TNS1: variants seen among roughly 807,000 people sequenced by gnomAD.
The protein encoded by TNS1 is tensin-1.
In TNS1, 62 loss-of-function variants were observed where a neutral mutation model predicts 168.6. That is an observed-to-expected ratio of 0.37 (90% CI 0.30 to 0.45). The LOEUF is 0.45. Among genes scored for constraint, TNS1 ranks in the 20% least tolerant of loss-of-function variants. TNS1 has a pLI of 1.00. For synonymous variants in TNS1, 934 were observed against 933.2 expected (o/e 1.00, Z -0.02); for missense variants, 2,240 against 2,339.4 (o/e 0.96, Z 0.88).
At chr2:217,851,604 AGCCCAGG>A (rs975153737) in intron 18 of TNS1, among the ~76,000 whole-genome samples, 1 of 152,116 alleles carries the variant, frequency 6.6e-6, no homozygotes, top group Non-Finnish European at 1.5e-5. Context: ...GTATTGCAGC[AGCCCAGG>A]GCCCAGGGCC....
intron 1 of TNS1, among the ~76,000 whole-genome samples, chr2:218,020,272 G>T (rs1396247798): frequency 6.6e-6 from 1 of 151,904 alleles, no homozygotes; most frequent in African/African-American, 2.4e-5. Flanking sequence ...GGCCCAATAC[G>T]CCAGCCCCTC....
At chr2:217,945,450 G>C (rs1957079872) in intron 3 of TNS1, among the ~76,000 whole-genome samples, 1 of 151,244 alleles carries the variant, frequency 6.6e-6, no homozygotes, top group African/African-American at 2.4e-5. Context: ...TGGGGATAGG[G>C]GAGAGAAGGA....
intron 18 of TNS1, among the ~76,000 whole-genome samples, chr2:217,875,712 G>T (rs779931869): frequency 1.3e-5 from 2 of 152,178 alleles, no homozygotes; most frequent in African/African-American, 2.4e-5. Context: ...CTCATAAGAA[G>T]TCATCACAGA....
intron 3 of TNS1, among the ~76,000 whole-genome samples, chr2:217,967,095 G>A (rs553168792): frequency 1.8e-4 from 28 of 152,224 alleles, no homozygotes; most frequent in African/African-American, 3.6e-4. Flanking sequence ...TGAGGTGGGC[G>A]GATCACGAGG....
chr2:217,931,558 ATCAGCCCCTG>A (rs1021217452), intron 3 of TNS1, among the ~76,000 whole-genome samples: 3 of 152,182 alleles, frequency 2.0e-5, no homozygotes, highest in African/African-American at 7.2e-5. Flanking sequence ...CCACACAGAC[ATCAGCCCCTG>A]TCTTCTGAAG....
chr2:217,898,462 G>C (rs575633558), intron 7 of TNS1, among the ~76,000 whole-genome samples: 1 of 152,194 alleles, frequency 6.6e-6, no homozygotes, highest in Non-Finnish European at 1.5e-5. Flanking sequence ...CCTAGCTCTC[G>C]AGCTGTGGAG....
At chr2:217,906,868 C>T (rs2125791616) in intron 5 of TNS1, among the ~76,000 whole-genome samples, 1 of 152,280 alleles carries the variant, frequency 6.6e-6, no homozygotes, top group Non-Finnish European at 1.5e-5. Context: ...CTCAGAAAGA[C>T]CTGTTTGGAA....
intron 18 of TNS1, among the ~76,000 whole-genome samples, chr2:217,870,264 C>T (rs114122781): frequency 0.028 from 4,244 of 152,320 alleles, 77 homozygotes; most frequent in East Asian, 0.044. Flanking sequence ...GCTGACACCC[C>T]TACCCCGTCT....
intron 3 of TNS1, among the ~76,000 whole-genome samples, chr2:217,964,187 C>G (rs1017308394): frequency 3.9e-5 from 6 of 152,236 alleles, no homozygotes; most frequent in African/African-American, 1.4e-4. Context: ...AGACTTTATT[C>G]ACAGAGGGGT....
intron 4 of TNS1, among the ~76,000 whole-genome samples, chr2:217,910,410 C>A (rs1279495046): frequency 6.6e-6 from 1 of 152,102 alleles, no homozygotes; most frequent in Non-Finnish European, 1.5e-5. Context: ...GCTGCCCGAC[C>A]CTCCTCTGCC....
At position 218,023,362 on chromosome 2, in the gene TNS1, C is replaced by T. The variant is rs114783627; in HGVS notation, c.156+10458G>A. ...CCTCTGTGAAACAGGGTAATTATGCCGGCTCAGGTCCCCCTTCAGGGCTGC... is the reference window on the plus strand; with the variant it reads ...CCTCTGTGAAACAGGGTAATTATGCTGGCTCAGGTCCCCCTTCAGGGCTGC... On this transcript the variant is annotated intron_variant, in intron 1 of 1. Coordinates refer to the TNS1 transcript ENST00000649572. Among the ~76,000 whole-genome samples, 946 of 152,270 alleles carry T rather than the reference C, an allele frequency of 6.2e-3. 6 individuals are homozygous for T. The highest frequency in any genetic ancestry group is 0.01 in the Non-Finnish European group (708 of 68,018).
At chr2:217,871,846 T>C (rs928131278) in intron 18 of TNS1, among the ~76,000 whole-genome samples, 1 of 152,276 alleles carries the variant, frequency 6.6e-6, no homozygotes, top group South Asian at 2.1e-4. Flanking sequence ...CATCCAGGGA[T>C]CTGAAACTCG....
chr2:217,813,291 C>T lies in TNS1; in HGVS notation c.4878G>A (p.Glu1626=). ...QQNKKGDMTH[E]LVRHFLIETG... is the part of the protein sequence containing the mutation. ...TCTCTATCAGAAAATGCCTGACCAGCTCATGGGTCATGTCTCCTGGGACAA... is the reference window on the plus strand; with the variant it reads ...TCTCTATCAGAAAATGCCTGACCAGTTCATGGGTCATGTCTCCTGGGACAA... The change falls in exon 27 of 33, where the codon GAG becomes GAA. Residue 1626 remains glutamate (E), a synonymous_variant. Coordinates refer to ENST00000682258, the MANE Select transcript of TNS1 (RefSeq NM_001387777.1). The surrounding 1 kb of genome is among the most constrained non-coding windows in gnomAD (Gnocchi z 4.0). 6.3e-7 allele frequency: 1 copy of T among 1,591,368 alleles called. No homozygotes were observed. Among genetic ancestry groups the T allele is most frequent in the South Asian group, 1.1e-5 (1 of 87,670 alleles).
rs556174259 is a variant in TNS1 at position 217,906,857 on chromosome 2, G to A, written c.270+353C>T. On this transcript the variant is annotated intron_variant, in intron 5 of 32. Transcript: ENST00000682258. ...GAGGAAACTGTCCAACTCTCAGCTA[G>A]CTCAGAAAGACCTGTTTGGAAAGAT... 5.3e-5 allele frequency among the ~76,000 whole-genome samples: 8 copies of A among 152,314 alleles called. No individual in the cohort carries two copies. The South Asian group carries it at 1.7e-3, about 32-fold the overall frequency.
At chr2:217,861,245 T>G (rs1411459882) in intron 18 of TNS1, among the ~76,000 whole-genome samples, 2 of 151,862 alleles carry the variant, frequency 1.3e-5, no homozygotes, top group African/African-American at 4.8e-5. Context: ...CCCGATGGAG[T>G]GGGTCAGAAC....
chr2:217,808,011 G>A (rs377297216), intron 32 of TNS1, 64 bp downstream of exon 32: 70 of 1,593,822 alleles, frequency 4.4e-5, no homozygotes, highest in South Asian at 7.8e-5. Flanking sequence ...AATGTGCCCC[G>A]TGCTTCCCTC....
chr2:217,945,480 A>C (rs1025067632), intron 3 of TNS1, among the ~76,000 whole-genome samples: 1 of 152,128 alleles, frequency 6.6e-6, no homozygotes, highest in Non-Finnish European at 1.5e-5. Context: ...AGGACCTTAT[A>C]TGGGGAGGGC....
intron 1 of TNS1, among the ~76,000 whole-genome samples, chr2:218,027,884 G>A (rs1323863462): frequency 6.6e-6 from 1 of 152,184 alleles, no homozygotes; most frequent in African/African-American, 2.4e-5. Context: ...CCTGCAGACT[G>A]CAGGCTGGGC....
intron 3 of TNS1, among the ~76,000 whole-genome samples, chr2:217,942,700 GA>G (rs1956974500): frequency 6.6e-6 from 1 of 152,096 alleles, no homozygotes; most frequent in South Asian, 2.1e-4. Flanking sequence ...ACTTCCAGAA[GA>G]GAAGCCCTTG....
Sources: allele counts gnomAD v4.1 joint callset (sites outside exome capture counted in the v4.1 genomes callset), GRCh38; gene constraint gnomAD v4.1.1; non-coding constraint Gnocchi (gnomAD v3.1); transcripts MANE v1.5; gene names NCBI Gene and HGNC (gene_info 2026-07-23, HGNC 2026-07-21).